DLGAP1: variants seen among roughly 807,000 people sequenced by gnomAD.
DLGAP1 encodes the protein disks large-associated protein 1.
A neutral mutation model predicts 90.8 loss-of-function variants in DLGAP1; 11 were observed. That is an observed-to-expected ratio of 0.12 (90% CI 0.08 to 0.20). DLGAP1 has a LOEUF of 0.20. Ranked by LOEUF, DLGAP1 falls within the 10% of genes least tolerant of loss-of-function variation. The pLI, the probability that DLGAP1 is intolerant of heterozygous loss-of-function variation, is 1.00. For missense variants in DLGAP1, 1,050 were observed against 1,333.8 expected (o/e 0.79, Z 3.31); for synonymous variants, 558 against 540.7 (o/e 1.03, Z -0.44).
intron 5 of DLGAP1, among the ~76,000 whole-genome samples, chr18:3,784,793 A>C (rs1465557018): frequency 6.6e-6 from 1 of 152,234 alleles, no homozygotes; most frequent in Non-Finnish European, 1.5e-5. Context: ...GATAATCTCT[A>C]GAATTGGTTC....
intron 1 of DLGAP1, among the ~76,000 whole-genome samples, chr18:4,401,336 ACTTT>A (rs1386809736): frequency 1.3e-5 from 2 of 152,248 alleles, no homozygotes; most frequent in African/African-American, 2.4e-5. Flanking sequence ...TCTTAAAATT[ACTTT>A]CTTTGCAAAA....
chr18:4,162,578 T>C (rs2076865015), intron 1 of DLGAP1, among the ~76,000 whole-genome samples: 1 of 152,210 alleles, frequency 6.6e-6, no homozygotes, highest in South Asian at 2.1e-4. Context: ...TTTCTGAGAT[T>C]AATCCATTTG....
chr18:3,935,907 C>T (rs553422899), intron 3 of DLGAP1, among the ~76,000 whole-genome samples: 1 of 152,260 alleles, frequency 6.6e-6, no homozygotes, highest in South Asian at 2.1e-4. Context: ...TTTATCACAG[C>T]AAAGGAAATA....
chr18:3,503,182 T>TATAGGAAGTAATTTTATC (rs71366671), intron 11 of DLGAP1, among the ~76,000 whole-genome samples: 1 of 152,074 alleles, frequency 6.6e-6, no homozygotes, highest in East Asian at 1.9e-4. Flanking sequence ...TGTTTACTAA[T>TATAGGAAGTAATTTTATC]ATAGGAAGTA....
intron 2 of DLGAP1, among the ~76,000 whole-genome samples, chr18:4,059,204 T>G (rs59096295): frequency 0.037 from 5,612 of 152,280 alleles, 336 homozygotes; most frequent in African/African-American, 0.13. Flanking sequence ...TCCAGAATCC[T>G]AAAGATGAAT....
At chr18:3,562,112 A>C (rs2054159462) in intron 9 of DLGAP1, among the ~76,000 whole-genome samples, 1 of 152,106 alleles carries the variant, frequency 6.6e-6, no homozygotes. Context: ...CTGTAATCCC[A>C]GCTACTCAGG....
intron 1 of DLGAP1, among the ~76,000 whole-genome samples, chr18:4,349,259 C>T (rs555483922): frequency 1.3e-5 from 2 of 152,200 alleles, no homozygotes; most frequent in African/African-American, 4.8e-5. Context: ...CATGAACAAA[C>T]ATCAGACAAA....
intron 4 of DLGAP1, chr18:3,845,383 G>A: frequency 5.5e-6 from 8 of 1,459,580 alleles, no homozygotes; most frequent in Non-Finnish European, 7.3e-6. Flanking sequence ...GTAAACACAG[G>A]ACTTGGGGGT....
rs544204627 is a variant in DLGAP1, at chr18:4,236,529, A to G, written c.-266-85242T>C. 1.5e-4 allele frequency among the ~76,000 whole-genome samples: 23 copies of G among 152,282 alleles called. No homozygotes were observed. The South Asian group carries it at 4.1e-3, about 27-fold the overall frequency. ...TGTGCCACTGCCTTATACTGAACCAATATCTTCAAACATCAGTCAAAAGTG... is the reference window on the plus strand; with the variant it reads ...TGTGCCACTGCCTTATACTGAACCAGTATCTTCAAACATCAGTCAAAAGTG... On this transcript the variant is annotated intron_variant, in intron 1 of 12. Coordinates refer to ENST00000315677, the MANE Select transcript of DLGAP1 (RefSeq NM_004746.4).
At chr18:4,345,143 C>T (rs960775352) in intron 1 of DLGAP1, among the ~76,000 whole-genome samples, 2 of 152,106 alleles carry the variant, frequency 1.3e-5, no homozygotes, top group African/African-American at 2.4e-5. Flanking sequence ...AATTTACATC[C>T]CTTAGCTTCT....
intron 2 of DLGAP1, among the ~76,000 whole-genome samples, chr18:4,019,815 G>GCA (rs749258676): frequency 5.0e-5 from 7 of 141,188 alleles, no homozygotes; most frequent in Admixed American, 1.4e-4. Context: ...GCGTGTGCGC[G>GCA]CACACACACA....
chr18:3,877,936 T>C (rs2071045110), intron 4 of DLGAP1, among the ~76,000 whole-genome samples: 2 of 152,192 alleles, frequency 1.3e-5, no homozygotes, highest in Admixed American at 1.3e-4. Context: ...GGTGGCTTCT[T>C]CTGAACTCCA....
intron 1 of DLGAP1, among the ~76,000 whole-genome samples, chr18:4,194,643 C>T (rs1197240814): frequency 6.6e-6 from 1 of 151,970 alleles, no homozygotes. Flanking sequence ...TCTATTTAGC[C>T]ATGAAAATAC....
chr18:4,388,476 C>T (rs369347942), intron 1 of DLGAP1, among the ~76,000 whole-genome samples: 35 of 151,972 alleles, frequency 2.3e-4, no homozygotes, highest in East Asian at 1.8e-3. Context: ...ATTGGAGCTG[C>T]GGGAAAGGGT....
chr18:3,949,363 C>T (rs1462305348), intron 3 of DLGAP1, among the ~76,000 whole-genome samples: 1 of 152,184 alleles, frequency 6.6e-6, no homozygotes, highest in Non-Finnish European at 1.5e-5. Context: ...GGCTCCATCT[C>T]TTTGTAGCTC....
intron 4 of DLGAP1, among the ~76,000 whole-genome samples, chr18:3,843,149 T>C (rs1249040133): frequency 6.6e-6 from 1 of 152,196 alleles, no homozygotes; most frequent in Non-Finnish European, 1.5e-5. Context: ...GTGGGGGTGC[T>C]TCTTTCTCTA....
intron 4 of DLGAP1, among the ~76,000 whole-genome samples, chr18:3,824,707 A>G (rs1294200255): frequency 6.6e-6 from 1 of 152,248 alleles, no homozygotes; most frequent in Non-Finnish European, 1.5e-5. Flanking sequence ...AAGAAGAGAC[A>G]CAACTCAGAG....
chr18:3,714,869 C>G (rs112016081), intron 7 of DLGAP1, among the ~76,000 whole-genome samples: 227 of 152,218 alleles, frequency 1.5e-3, no homozygotes, highest in African/African-American at 5.2e-3. Flanking sequence ...CTCCTGACCT[C>G]AAGGTGATTT....
In DLGAP1 at chr18:3,781,907, A is replaced by T. The variant is rs531140398; in HGVS notation, c.1172+32152T>A. The stretch of plus-strand genomic sequence containing the variant: ...TTCAACTACTTCTCATCTAGGTACA[A>T]GGTACACACCGCTACATTTGATTAA... On this transcript the variant is annotated intron_variant, in intron 5 of 12. Coordinates refer to ENST00000315677, the MANE Select transcript of DLGAP1 (RefSeq NM_004746.4). Among the ~76,000 whole-genome samples the T allele has an allele frequency of 2.4e-4, 36 of 152,334 alleles. No homozygotes were observed. In the South Asian group the frequency reaches 6.8e-3, roughly 29 times the overall value.
Sources: allele counts gnomAD v4.1 joint callset (sites outside exome capture counted in the v4.1 genomes callset), GRCh38; gene constraint gnomAD v4.1.1; transcripts MANE v1.5; gene names NCBI Gene and HGNC (gene_info 2026-07-23, HGNC 2026-07-21).